The following PDS5B variants were observed in gnomAD, a reference collection of about 807,000 sequenced individuals.
PDS5B encodes sister chromatid cohesion protein PDS5 homolog B.
In PDS5B, 51 loss-of-function variants were observed where a neutral mutation model predicts 184.1. The observed-to-expected ratio is 0.28, with a 90% CI of 0.22 to 0.35. The LOEUF (loss-of-function observed/expected upper bound fraction) is 0.35. Among genes scored for constraint, PDS5B ranks in the 10% least tolerant of loss-of-function variants. The pLI, the probability that PDS5B is intolerant of heterozygous loss-of-function variation, is 1.00. For missense variants in PDS5B, 1,180 were observed against 1,723.3 expected (o/e 0.68, Z 5.58); for synonymous variants, 566 against 569.2 (o/e 0.99, Z 0.08).
chr13:32,761,958 A>T (rs1045279915), intron 30 of PDS5B, among the ~76,000 whole-genome samples: 14 of 152,132 alleles, frequency 9.2e-5, no homozygotes, highest in African/African-American at 3.1e-4. Context: ...CTGCAGCCTC[A>T]CCAGCATCTG....
chr13:32,761,702 A>G (rs1377012991), intron 30 of PDS5B, among the ~76,000 whole-genome samples: 1 of 152,094 alleles, frequency 6.6e-6, no homozygotes, highest in African/African-American at 2.4e-5. Flanking sequence ...AATCCAGTCC[A>G]TTATTGATGG....
chr13:32,734,777 C>G (rs1169732231), intron 20 of PDS5B, among the ~76,000 whole-genome samples: 1 of 152,182 alleles, frequency 6.6e-6, no homozygotes, highest in African/African-American at 2.4e-5. Flanking sequence ...CTTAACTGCA[C>G]AGGAAGCTGC....
chr13:32,701,461 G>A (rs751981054), intron 17 of PDS5B, 23 bp downstream of exon 17: 2 of 1,376,482 alleles, frequency 1.5e-6, no homozygotes, highest in South Asian at 2.4e-5. Context: ...AAAATACTAA[G>A]TTCTCATTGC....
intron 3 of PDS5B, among the ~76,000 whole-genome samples, chr13:32,657,095 T>C (rs941323521): frequency 2.0e-5 from 3 of 152,212 alleles, no homozygotes; most frequent in Non-Finnish European, 4.4e-5. Flanking sequence ...GTTAGGCCCA[T>C]TTGGTCAAAT....
At chr13:32,721,345 A>G (rs12018124) in intron 19 of PDS5B, among the ~76,000 whole-genome samples, 57,999 of 128,954 alleles carry the variant, frequency 0.45, 11,580 homozygotes, top group Middle Eastern at 0.51. Context: ...CTGCCGGGCG[A>G]GGGCTCCCCC....
At chr13:32,760,034 C>T (rs1274744611) in intron 29 of PDS5B, among the ~76,000 whole-genome samples, 2 of 152,192 alleles carry the variant, frequency 1.3e-5, no homozygotes, top group East Asian at 3.9e-4. Flanking sequence ...CGGCTCACTG[C>T]AAGCTCCGCC....
chr13:32,668,892 A>G (rs1335781396), intron 7 of PDS5B, among the ~76,000 whole-genome samples: 4 of 152,218 alleles, frequency 2.6e-5, no homozygotes, highest in African/African-American at 9.6e-5. Context: ...TTTCTGGCTT[A>G]TAGCCTTAGA....
intron 18 of PDS5B, among the ~76,000 whole-genome samples, chr13:32,709,077 G>A (rs974060840): frequency 6.6e-6 from 1 of 151,830 alleles, no homozygotes; most frequent in African/African-American, 2.4e-5. Context: ...TATCATCTAT[G>A]TATGTATCTC....
intron 1 of PDS5B, among the ~76,000 whole-genome samples, chr13:32,624,683 A>G (rs965655859): frequency 1.3e-5 from 2 of 152,102 alleles, no homozygotes; most frequent in African/African-American, 4.8e-5. Context: ...GTATGTGGAA[A>G]ATTTGGGTGC....
intron 9 of PDS5B, among the ~76,000 whole-genome samples, chr13:32,677,510 A>G (rs538265496): frequency 6.6e-6 from 1 of 152,160 alleles, no homozygotes; most frequent in African/African-American, 2.4e-5. Flanking sequence ...CTTTTAAAAG[A>G]CGTCTTAGTA....
rs1416116609 is a variant in PDS5B, at chr13:32,777,979, A to G, written c.*2927A>G. 1 of 152,450 alleles carries G rather than the reference A, an allele frequency of 6.6e-6. No homozygotes were observed. Among genetic ancestry groups the G allele is most frequent in the Non-Finnish European group, 1.5e-5 (1 of 67,876 alleles). 9.4% of individuals were successfully genotyped at this position (152,450 alleles called of 1,614,324 possible). A position where few individuals can be genotyped will look rare whatever the true frequency, so the allele number is the denominator to read the frequency against. On this transcript the variant is annotated 3_prime_UTR_variant, in exon 35 of 35. Transcript: ENST00000315596. ...AAATAGATAACCAATTTTCAGACAC[A>G]TTTTTGGATTTCTGTGAAGTTGAAT...
At chr13:32,598,719 A>G (rs970362104) in intron 1 of PDS5B, among the ~76,000 whole-genome samples, 4 of 151,276 alleles carry the variant, frequency 2.6e-5, no homozygotes, top group African/African-American at 9.7e-5. Flanking sequence ...GTCATTTTTC[A>G]AGGATATTTT....
chr13:32,713,901 C>G (rs1175642883), intron 19 of PDS5B, among the ~76,000 whole-genome samples: 1 of 152,166 alleles, frequency 6.6e-6, no homozygotes, highest in African/African-American at 2.4e-5. Flanking sequence ...ATCGGGGAAC[C>G]TGCCCCGATA....
chr13:32,654,838 C>T (rs1006307480), intron 3 of PDS5B, among the ~76,000 whole-genome samples: 5 of 152,104 alleles, frequency 3.3e-5, no homozygotes, highest in African/African-American at 9.7e-5. Context: ...CCAGTGGCAT[C>T]CATGTTGCTG....
At chr13:32,595,514 A>C (rs1055546667) in intron 1 of PDS5B, among the ~76,000 whole-genome samples, 2 of 152,208 alleles carry the variant, frequency 1.3e-5, no homozygotes, top group Non-Finnish European at 2.9e-5. Flanking sequence ...GGAACCACAT[A>C]CTTAAACAAA....
chr13:32,773,111 CG>C, intron 33 of PDS5B, 77 bp from the exon 34 acceptor site: 2 of 1,215,322 alleles, frequency 1.6e-6, no homozygotes, highest in Non-Finnish European at 2.3e-6. Context: ...CGATGAAATA[CG>C]TGAAACATTT....
intron 1 of PDS5B, among the ~76,000 whole-genome samples, chr13:32,602,461 T>G (rs2140486399): frequency 6.6e-6 from 1 of 152,330 alleles, no homozygotes; most frequent in East Asian, 1.9e-4. Flanking sequence ...TATTCCATGG[T>G]GTATATGTGC....
chr13:32,676,932 C>CAAAAAAAAAAAAAAAAAAA (rs4057303), intron 9 of PDS5B, among the ~76,000 whole-genome samples: 2 of 78,796 alleles, frequency 2.5e-5, no homozygotes, highest in African/African-American at 1.0e-4. Context: ...CTCTTGTCTC[C>CAAAAAAAAAAAAAAAAAAA]AAAAAAAAAA....
At chr13:32,701,201 CT>C (rs1484325637) in intron 16 of PDS5B, 121 bp from the exon 17 acceptor site, 5 of 558,068 alleles carry the variant, frequency 9.0e-6, no homozygotes, top group African/African-American at 7.6e-5. Context: ...TTGTTCAATT[CT>C]TACAGTTTGT....
Sources: allele counts gnomAD v4.1 joint callset (sites outside exome capture counted in the v4.1 genomes callset), GRCh38; gene constraint gnomAD v4.1.1; transcripts MANE v1.5; gene names NCBI Gene and HGNC (gene_info 2026-07-23, HGNC 2026-07-21).